The following CDK14 variants were observed in gnomAD, a reference collection of about 807,000 sequenced individuals.
CDK14 encodes the protein cyclin dependent kinase 14, also known as cyclin-dependent kinase 14.
In CDK14, 34 loss-of-function variants were observed where a neutral mutation model predicts 60.7. The ratio of observed to expected loss-of-function variants is 0.56; its 90% confidence interval spans 0.43 to 0.75. The LOEUF (loss-of-function observed/expected upper bound fraction) is 0.75. Among genes scored for constraint, CDK14 ranks in the 30% least tolerant of loss-of-function variants. CDK14 has a pLI of 0.00. For missense variants in CDK14, 482 were observed against 564.1 expected (o/e 0.85, Z 1.47); for synonymous variants, 197 against 203.7 (o/e 0.97, Z 0.28).
At chr7:90,892,804 G>C (rs992047028) in intron 6 of CDK14, among the ~76,000 whole-genome samples, 39 of 152,092 alleles carry the variant, frequency 2.6e-4, no homozygotes, top group African/African-American at 9.2e-4. Context: ...TTTTTGTTTT[G>C]TTCTCGCTCT....
At chr7:90,919,711 C>CA (rs1212974924) in intron 8 of CDK14, among the ~76,000 whole-genome samples, 1 of 152,166 alleles carries the variant, frequency 6.6e-6, no homozygotes, top group Non-Finnish European at 1.5e-5. Context: ...TTAAGATTGA[C>CA]AAAATCATTT....
intron 2 of CDK14, among the ~76,000 whole-genome samples, chr7:90,667,263 C>T (rs1236660574): frequency 6.6e-6 from 1 of 152,106 alleles, no homozygotes; most frequent in African/African-American, 2.4e-5. Flanking sequence ...TGGCTAATAC[C>T]CAGCCCGTAT....
intron 12 of CDK14, among the ~76,000 whole-genome samples, chr7:91,101,848 T>C (rs1799153789): frequency 6.6e-6 from 1 of 151,354 alleles, no homozygotes; most frequent in African/African-American, 2.4e-5. Context: ...TTTAAGCCTG[T>C]TTGCTAAAAG....
At chr7:91,032,832 A>G (rs887064223) in intron 10 of CDK14, among the ~76,000 whole-genome samples, 2 of 152,260 alleles carry the variant, frequency 1.3e-5, no homozygotes, top group African/African-American at 4.8e-5. Context: ...ATACATTCAT[A>G]TTAACATATT....
chr7:90,775,045 T>A (rs1218896980), intron 4 of CDK14, among the ~76,000 whole-genome samples: 6 of 152,200 alleles, frequency 3.9e-5, no homozygotes, highest in Non-Finnish European at 7.3e-5. Flanking sequence ...GATGCTTTTT[T>A]CATGAGAGTG....
intron 2 of CDK14, among the ~76,000 whole-genome samples, chr7:90,676,706 T>C (rs576330875): frequency 2.2e-4 from 34 of 152,112 alleles, no homozygotes; most frequent in African/African-American, 7.9e-4. Context: ...TTAGTTTTGC[T>C]CGTTTTTTTG....
intron 9 of CDK14, among the ~76,000 whole-genome samples, chr7:90,962,503 G>T (rs1213123553): frequency 6.6e-6 from 1 of 151,784 alleles, no homozygotes; most frequent in Admixed American, 6.6e-5. Context: ...AAAAAAAAAA[G>T]TCTAGTGTGG....
chr7:91,118,034 T>C (rs916584143), intron 13 of CDK14, 31 bp from the exon 14 acceptor site: 42 of 1,269,364 alleles, frequency 3.3e-5, no homozygotes, highest in Non-Finnish European at 4.7e-5. Context: ...TCTATAACTA[T>C]ATAAATGAAA....
At chr7:90,829,911 G>T (rs751493459) in intron 5 of CDK14, among the ~76,000 whole-genome samples, 2 of 152,318 alleles carry the variant, frequency 1.3e-5, no homozygotes, top group South Asian at 4.1e-4. Flanking sequence ...CAAAGTGTGG[G>T]CTCCTAAGGC....
At chr7:91,074,685 C>A (rs1055317191) in intron 11 of CDK14, among the ~76,000 whole-genome samples, 8 of 151,956 alleles carry the variant, frequency 5.3e-5, no homozygotes, top group Non-Finnish European at 8.8e-5. Context: ...CACAAAAAAA[C>A]CCTTCAAAAG....
At chr7:91,189,681 G>C (rs1802299218) in intron 14 of CDK14, among the ~76,000 whole-genome samples, 1 of 152,270 alleles carries the variant, frequency 6.6e-6, no homozygotes, top group Admixed American at 6.5e-5. Context: ...GCTGTAAAGA[G>C]TGTCGATGTA....
At chr7:90,930,202 A>G (rs1006893361) in intron 8 of CDK14, among the ~76,000 whole-genome samples, 1 of 152,078 alleles carries the variant, frequency 6.6e-6, no homozygotes, top group African/African-American at 2.4e-5. Context: ...AAGTGGAAAT[A>G]TGCATAAATG....
intron 2 of CDK14, among the ~76,000 whole-genome samples, chr7:90,618,664 C>T (rs1043599888): frequency 5.9e-5 from 9 of 152,200 alleles, no homozygotes; most frequent in African/African-American, 2.2e-4. Flanking sequence ...GATTGGCCGT[C>T]TTCTGCTATT....
At chr7:91,029,450 G>A (rs1796691741) in intron 10 of CDK14, among the ~76,000 whole-genome samples, 1 of 151,870 alleles carries the variant, frequency 6.6e-6, no homozygotes, top group African/African-American at 2.4e-5. Context: ...CAGTCCATGA[G>A]CATGGAATGG....
intron 2 of CDK14, among the ~76,000 whole-genome samples, chr7:90,675,757 G>A (rs1423510225): frequency 1.3e-5 from 2 of 152,194 alleles, no homozygotes; most frequent in African/African-American, 4.8e-5. Context: ...TTCAAGGATA[G>A]CAGAAACATG....
intron 14 of CDK14, among the ~76,000 whole-genome samples, chr7:91,178,469 A>G: frequency 7.0e-6 from 1 of 143,182 alleles, no homozygotes. Context: ...ATGGGATCTA[A>G]TTAAACTAAA....
intron 2 of CDK14, among the ~76,000 whole-genome samples, chr7:90,649,330 T>G (rs1370700023): frequency 1.3e-4 from 6 of 45,088 alleles, no homozygotes; most frequent in African/African-American, 7.1e-4. Context: ...CCTTCCTTCC[T>G]TCCTTCCTTC....
chr7:91,182,823 A>T (rs1052876593), intron 14 of CDK14, among the ~76,000 whole-genome samples: 1 of 152,198 alleles, frequency 6.6e-6, no homozygotes, highest in Non-Finnish European at 1.5e-5. Context: ...TAGAAAACCT[A>T]ATTTTCCAAC....
intron 9 of CDK14, among the ~76,000 whole-genome samples, chr7:90,973,122 A>G (rs1794975285): frequency 2.0e-5 from 3 of 152,204 alleles, no homozygotes; most frequent in Admixed American, 2.0e-4. Context: ...TCCTGTCAGA[A>G]TCAGAAACAG....
Sources: gnomAD v4.1 joint callset for allele counts (sites outside exome capture counted in the v4.1 genomes callset) on GRCh38, gnomAD v4.1.1 for gene constraint, MANE v1.5 for transcripts, NCBI Gene and HGNC (gene_info 2026-07-23, HGNC 2026-07-21) for gene names.